Variants in ANO3 observed in about 807,000 individuals in gnomAD.
ANO3 encodes the protein anoctamin-3.
Under a neutral mutation model 144.8 loss-of-function variants are expected in ANO3, and 99 were observed. The ratio of observed to expected loss-of-function variants is 0.68; its 90% CI spans 0.58 to 0.81. The LOEUF is 0.81. Ranked by LOEUF, ANO3 falls within the 30% of genes least tolerant of loss-of-function variation. ANO3 has a pLI of 0.00. For synonymous variants in ANO3, 414 were observed against 392.6 expected (o/e 1.05, Z -0.64); for missense variants, 905 against 1,202.2 (o/e 0.75, Z 3.66).
At chr11:26,421,211 A>G (rs1388177400) in intron 1 of ANO3, among the ~76,000 whole-genome samples, 1 of 152,096 alleles carries the variant, frequency 6.6e-6, no homozygotes, top group African/African-American at 2.4e-5. Context: ...GGCACGAAAT[A>G]CATAATTATT....
At chr11:26,329,814 T>A (rs1854990849), upstream of ANO3, among the ~76,000 whole-genome samples, 1 of 48,974 alleles carries the variant, frequency 2.0e-5, no homozygotes, top group South Asian at 8.2e-4. Flanking sequence ...GGACTTAAAT[T>A]TTTTTTTTTT....
rs1355186360 is a variant in ANO3, at chr11:26,541,321, G to A, written c.1033-626G>A. On this transcript the variant is annotated intron_variant, in intron 10 of 26. Coordinates refer to ENST00000256737, the MANE Select transcript of ANO3 (RefSeq NM_031418.4). ...CGGGTGGGGAGGTAGGGGAGGGATAGCATTAGGAGAAATACCTAATGCAGA... is the reference window on the plus strand; with the variant it reads ...CGGGTGGGGAGGTAGGGGAGGGATAACATTAGGAGAAATACCTAATGCAGA... Among the ~76,000 whole-genome samples, 3 of 152,112 alleles carry A rather than the reference G, an allele frequency of 2.0e-5. No homozygotes were observed. The East Asian group carries it at 5.8e-4, about 29-fold the overall frequency.
chr11:26,565,589 G>A lies in ANO3; in HGVS notation c.1447+5810G>A, dbSNP rs749554532. 2.5e-5 allele frequency: 41 copies of A among 1,613,206 alleles called. 1 individual carries two copies. The highest frequency in any genetic ancestry group is 1.6e-4 in the South Asian group (15 of 91,064). On this transcript the variant is annotated intron_variant, in intron 14 of 26. Transcript: ENST00000256737. ...TGCCCAAAGAATGCTCTGCTGATGA[G>A]TTACTGGAGAAATCTGTTATTCCGT...
chr11:26,343,013 G>C (rs1051624757), intron 1 of ANO3, among the ~76,000 whole-genome samples: 1 of 151,970 alleles, frequency 6.6e-6, no homozygotes, highest in East Asian at 1.9e-4. Flanking sequence ...CACCCTCTTA[G>C]CAAATTTCAA....
intron 14 of ANO3, among the ~76,000 whole-genome samples, chr11:26,580,090 T>C (rs1239107498): frequency 1.6e-5 from 2 of 124,506 alleles, no homozygotes; most frequent in African/African-American, 5.9e-5. Context: ...CACAAATTTA[T>C]AAATTTTTTA....
At chr11:26,407,030 G>A (rs1159124908) in intron 1 of ANO3, among the ~76,000 whole-genome samples, 3 of 131,366 alleles carry the variant, frequency 2.3e-5, no homozygotes, top group Non-Finnish European at 3.2e-5. Flanking sequence ...ATATAGGTGT[G>A]TGTGTATATA....
chr11:26,522,311 G>A (rs1862115618), intron 6 of ANO3, among the ~76,000 whole-genome samples: 2 of 152,000 alleles, frequency 1.3e-5, no homozygotes, highest in African/African-American at 4.8e-5. Context: ...AAATCTAAAG[G>A]GAGGCCAATC....
intron 3 of ANO3, among the ~76,000 whole-genome samples, chr11:26,453,650 T>A (rs1859034381): frequency 6.6e-6 from 1 of 152,076 alleles, no homozygotes. Context: ...AACACCCCAC[T>A]GTCAACATTA....
At chr11:26,201,843 G>A (rs1851699802) in intron 1 of ANO3, among the ~76,000 whole-genome samples, 1 of 151,144 alleles carries the variant, frequency 6.6e-6, no homozygotes, top group Non-Finnish European at 1.5e-5. Flanking sequence ...CTGTAGAAGA[G>A]GTGTAAGATT....
At chr11:26,319,096 C>T (rs1854696149) in intron 1 of ANO3, among the ~76,000 whole-genome samples, 1 of 152,008 alleles carries the variant, frequency 6.6e-6, no homozygotes, top group East Asian at 1.9e-4. Context: ...CCCACCTCAG[C>T]CTCCAACGTA....
At chr11:26,316,548 G>A (rs1854629544) in intron 1 of ANO3, among the ~76,000 whole-genome samples, 1 of 152,144 alleles carries the variant, frequency 6.6e-6, no homozygotes, top group South Asian at 2.1e-4. Flanking sequence ...GCAAAAGCTG[G>A]TTGCAAACAA....
rs138168552 is a variant in ANO3, at chr11:26,647,815, C to T, written c.2535C>T (p.Tyr845=). 230 of 1,613,238 alleles carry T rather than the reference C, an allele frequency of 1.4e-4. No individual in the cohort carries two copies. The African/African-American group carries it at 2.7e-3, about 19-fold the overall frequency. The part of the protein sequence containing the change: ...SDYIPRFVYE[Y]KYGPCANHVE... ...ACATCCCACGTTTTGTTTATGAATA[C>T]AAATATGGCCCCTGTGCAAATCATG... The change falls in exon 24 of 27, where the codon TAC becomes TAT. Residue 845 remains tyrosine, a synonymous_variant. Coordinates refer to ENST00000256737, the MANE Select transcript of ANO3 (RefSeq NM_031418.4).
chr11:26,658,022 T>C (rs1263840414), intron 26 of ANO3, among the ~76,000 whole-genome samples: 2 of 152,152 alleles, frequency 1.3e-5, no homozygotes, highest in Non-Finnish European at 2.9e-5. Flanking sequence ...TTTGAGTTCT[T>C]ACCCCAAAAA....
chr11:26,252,753 C>A (rs2133820799), intron 1 of ANO3, among the ~76,000 whole-genome samples: 1 of 152,280 alleles, frequency 6.6e-6, no homozygotes, highest in African/African-American at 2.4e-5. Context: ...TTTCTTTCTT[C>A]ACTACTCAGT....
At chr11:26,440,481 C>A (rs138074731) in intron 1 of ANO3, among the ~76,000 whole-genome samples, 1 of 151,208 alleles carries the variant, frequency 6.6e-6, no homozygotes, top group South Asian at 2.1e-4. Context: ...AACTGGTAAA[C>A]GAAAATGACA....
At chr11:26,333,772 T>C (rs1189161513) in intron 1 of ANO3, among the ~76,000 whole-genome samples, 4 of 152,230 alleles carry the variant, frequency 2.6e-5, no homozygotes, top group African/African-American at 9.6e-5. Flanking sequence ...TGTGAGACTG[T>C]AGGGGTAGAC....
At chr11:26,621,124 C>T (rs1046268681) in intron 17 of ANO3, among the ~76,000 whole-genome samples, 1 of 152,154 alleles carries the variant, frequency 6.6e-6, no homozygotes, top group African/African-American at 2.4e-5. Context: ...TATGCCCCCT[C>T]ACAATAACCA....
chr11:26,233,914 G>A (rs1164502353), intron 1 of ANO3, among the ~76,000 whole-genome samples: 1 of 152,102 alleles, frequency 6.6e-6, no homozygotes, highest in Non-Finnish European at 1.5e-5. Context: ...GACACAGGGA[G>A]GGGAACATTA....
chr11:26,297,909 A>T (rs1026260499), intron 1 of ANO3, among the ~76,000 whole-genome samples: 3 of 152,162 alleles, frequency 2.0e-5, no homozygotes, highest in African/African-American at 7.2e-5. Context: ...CTGATGTGAG[A>T]AGCCAAGACC....
Sources: gnomAD v4.1 joint callset for allele counts (sites outside exome capture counted in the v4.1 genomes callset) on GRCh38, gnomAD v4.1.1 for gene constraint, MANE v1.5 for transcripts, NCBI Gene and HGNC (gene_info 2026-07-23, HGNC 2026-07-21) for gene names.